PDE10A: variants seen among roughly 807,000 people sequenced by gnomAD.
PDE10A encodes the protein cAMP and cAMP-inhibited cGMP 3',5'-cyclic phosphodiesterase 10A.
Under a neutral mutation model 97.7 loss-of-function variants are expected in PDE10A, and 39 were observed. That is an observed-to-expected ratio of 0.40 (90% confidence interval 0.31 to 0.52). The LOEUF is 0.52. Among genes scored for constraint, PDE10A ranks in the 20% least tolerant of loss-of-function variants. PDE10A has a pLI of 0.56. For missense variants in PDE10A, 731 were observed against 1,047.8 expected, an observed-to-expected ratio of 0.70 and a Z score of 4.17; for synonymous variants, 371 against 376.8, an observed-to-expected ratio of 0.98 and a Z score of 0.18.
At chr6:165,381,631 A>ATTTTTTTTTTTTTTTT (rs547827126) in intron 17 of PDE10A, among the ~76,000 whole-genome samples, 2 of 118,686 alleles carry the variant, frequency 1.7e-5, no homozygotes, top group Non-Finnish European at 1.7e-5. Context: ...CACCTGGCTA[A>ATTTTTTTTTTTTTTTT]TTTTTTTTTT....
intron 1 of PDE10A, among the ~76,000 whole-genome samples, chr6:165,580,738 GAAGAC>G (rs551477951): frequency 1.3e-5 from 2 of 150,342 alleles, no homozygotes; most frequent in African/African-American, 5.0e-5. Context: ...TACCCAATGA[GAAGAC>G]AAAGAAGATA....
intron 1 of PDE10A, among the ~76,000 whole-genome samples, chr6:165,686,345 C>A (rs1431016477): frequency 6.6e-6 from 1 of 152,138 alleles, no homozygotes; most frequent in Non-Finnish European, 1.5e-5. Flanking sequence ...TTTCCCTGTG[C>A]ATCGGACTCT....
intron 1 of PDE10A, among the ~76,000 whole-genome samples, chr6:165,721,210 T>C (rs1009213041): frequency 3.3e-4 from 50 of 152,210 alleles, no homozygotes; most frequent in African/African-American, 1.2e-3. Flanking sequence ...CACAGGGTTT[T>C]CTTGACCTGG....
At chr6:165,382,359 T>C (rs1430925541) in intron 17 of PDE10A, among the ~76,000 whole-genome samples, 2 of 152,186 alleles carry the variant, frequency 1.3e-5, no homozygotes, top group African/African-American at 4.8e-5. Context: ...ATGTCAACGA[T>C]GCAACTAAGC....
At chr6:165,433,704 T>G (rs1789766408) in intron 6 of PDE10A, among the ~76,000 whole-genome samples, 1 of 152,086 alleles carries the variant, frequency 6.6e-6, no homozygotes, top group Non-Finnish European at 1.5e-5. Context: ...ATTTTCTAGC[T>G]TGGCAAATTT....
intron 2 of PDE10A, among the ~76,000 whole-genome samples, chr6:165,542,612 CTTT>C (rs545149187): frequency 2.1e-4 from 16 of 76,456 alleles, no homozygotes; most frequent in African/African-American, 6.4e-4. Context: ...TGTCCTTGTT[CTTT>C]TTTTTTTTTT....
chr6:165,823,237 T>C (rs1209495835), intron 1 of PDE10A, among the ~76,000 whole-genome samples: 1 of 147,258 alleles, frequency 6.8e-6, no homozygotes, highest in Non-Finnish European at 1.5e-5. Context: ...TGTATTCTTA[T>C]TCTATAAGCT....
chr6:165,459,288 C>T (rs1196480340), intron 3 of PDE10A, among the ~76,000 whole-genome samples: 2 of 152,058 alleles, frequency 1.3e-5, no homozygotes, highest in African/African-American at 4.8e-5. Flanking sequence ...CAAGCAGAAA[C>T]CCCTTCAAGA....
At chr6:165,439,779 T>C (rs994752624) in intron 5 of PDE10A, among the ~76,000 whole-genome samples, 2 of 152,202 alleles carry the variant, frequency 1.3e-5, no homozygotes, top group Non-Finnish European at 2.9e-5. Context: ...TAAAAAGCAT[T>C]CAAATTACAA....
chr6:165,834,712 C>T (rs1780022495), intron 1 of PDE10A, among the ~76,000 whole-genome samples: 1 of 146,782 alleles, frequency 6.8e-6, no homozygotes, highest in South Asian at 2.1e-4. Flanking sequence ...GAGGCAGCGA[C>T]TCCAGGTGAA....
intron 1 of PDE10A, among the ~76,000 whole-genome samples, chr6:165,926,927 G>A (rs567548276): frequency 2.0e-5 from 3 of 152,314 alleles, no homozygotes; most frequent in African/African-American, 7.2e-5. Flanking sequence ...GAGAGGGGTT[G>A]ATTGGAGTTT....
Position 165,796,055 on chromosome 6 carries a change from G to A in PDE10A, c.-615+191474C>T, listed in dbSNP as rs1399868633. On this transcript the variant is annotated intron_variant, in intron 1 of 19. Transcript: ENST00000366882. The stretch of plus-strand genomic sequence containing the variant: ...TTCAACACAGGAAGATTTTGTAGCT[G>A]GAATGCATTTGCACGTCTTTTCTTT... 2.7e-5 allele frequency among the ~76,000 whole-genome samples: 4 copies of A among 150,920 alleles called. 1 individual carries two copies. In the South Asian group the frequency reaches 6.3e-4, roughly 24 times the overall value.
At chr6:165,475,271 A>G (rs988781517) in intron 3 of PDE10A, among the ~76,000 whole-genome samples, 1 of 152,228 alleles carries the variant, frequency 6.6e-6, no homozygotes, top group Non-Finnish European at 1.5e-5. Context: ...GGTCATAAGT[A>G]TTAATAGATA....
At chr6:165,337,520 T>C (rs1781721466) in intron 20 of PDE10A, among the ~76,000 whole-genome samples, 1 of 152,246 alleles carries the variant, frequency 6.6e-6, no homozygotes, top group African/African-American at 2.4e-5. Context: ...GACTTTCTTA[T>C]TCTAATATTT....
chr6:165,816,472 G>A lies in PDE10A; in HGVS notation c.-615+171057C>T, dbSNP rs142958525. 2.4e-3 allele frequency among the ~76,000 whole-genome samples: 363 copies of A among 152,316 alleles called. 2 individuals carry two copies. The highest frequency in any genetic ancestry group is 7.7e-3 in the African/African-American group (320 of 41,578). The stretch of plus-strand genomic sequence containing the variant: ...GCCACGGAGCAGTAGTTAGGAGCAC[G>A]TGCTCTGGAGCAGGGTCTGGGTTTG... On this transcript the variant is annotated intron_variant, in intron 1 of 19. Coordinates refer to the PDE10A transcript ENST00000366882.
At chr6:165,983,997 A>G (rs58535058) in intron 1 of PDE10A, among the ~76,000 whole-genome samples, 3,989 of 152,346 alleles carry the variant, frequency 0.026, 192 homozygotes, top group African/African-American at 0.091. Flanking sequence ...CACTGCAGGC[A>G]TGGGCCATGG....
intron 2 of PDE10A, among the ~76,000 whole-genome samples, chr6:165,514,863 T>G (rs1175677358): frequency 6.6e-6 from 1 of 152,224 alleles, no homozygotes; most frequent in Non-Finnish European, 1.5e-5. Context: ...GATTGTGTAT[T>G]GCCTTTGAAT....
chr6:165,735,642 G>A (rs1792557602), intron 1 of PDE10A, among the ~76,000 whole-genome samples: 1 of 152,142 alleles, frequency 6.6e-6, no homozygotes, highest in African/African-American at 2.4e-5. Flanking sequence ...GCCATCAGGT[G>A]GGGGAACTCT....
chr6:165,369,809 T>C (rs987672779), intron 18 of PDE10A, among the ~76,000 whole-genome samples: 1 of 148,866 alleles, frequency 6.7e-6, no homozygotes, highest in Admixed American at 6.7e-5. Flanking sequence ...AAGGAAAAAA[T>C]GTTAAGGGCA....
Sources: allele counts gnomAD v4.1 joint callset (sites outside exome capture counted in the v4.1 genomes callset), GRCh38; gene constraint gnomAD v4.1.1; transcripts MANE v1.5; gene names NCBI Gene and HGNC (gene_info 2026-07-23, HGNC 2026-07-21).